The following SPSB3 variants were observed in gnomAD, a reference collection of about 807,000 sequenced individuals.
The protein encoded by SPSB3 is splA/ryanodine receptor domain and SOCS box containing 3.
In SPSB3, 18 loss-of-function variants were observed where a neutral mutation model predicts 29.5. That is an observed-to-expected ratio of 0.61 (90% confidence interval 0.42 to 0.91). SPSB3 has a LOEUF of 0.91. Among genes scored for constraint, SPSB3 ranks in the 40% least tolerant of loss-of-function variants. The pLI is 0.00. For synonymous variants in SPSB3, 299 were observed against 214.1 expected (o/e 1.40, Z -3.46); for missense variants, 540 against 507.5 (o/e 1.06, Z -0.61).
In SPSB3 at chr16:1,781,499, G is replaced by T. The variant is rs2141993434; in HGVS notation, c.-12-4C>A. ...GTCTGGCCATGGTGGAAAGAATCTA[G>T]AAGAAAACACAGGCTCTGGGCAAAG... On this transcript the variant is annotated splice_polypyrimidine_tract_variant and splice_region_variant and intron_variant, in intron 1 of 6. Coordinates refer to ENST00000566339, the MANE Select transcript of SPSB3 (RefSeq NM_080861.4). 1 of 1,610,802 alleles carries T rather than the reference G, an allele frequency of 6.2e-7. No individual in the cohort carries two copies. Among genetic ancestry groups the T allele is most frequent in the East Asian group, 2.2e-5 (1 of 44,842 alleles).
At chr16:1,781,569 C>T in intron 1 of SPSB3, 74 bp from the exon 2 acceptor site, 4 of 1,519,106 alleles carry the variant, frequency 2.6e-6, no homozygotes, top group Non-Finnish European at 3.6e-6. Flanking sequence ...GGCTGGGCCA[C>T]GGACCCACTC....
At chr16:1,780,123 C>G (rs1184900801) in intron 2 of SPSB3, 1 of 152,364 alleles carries the variant, frequency 6.6e-6, no homozygotes, top group Non-Finnish European at 1.5e-5. Flanking sequence ...CACAAGCAGC[C>G]GCCCCGGAAG....
At chr16:1,778,658 C>G in intron 2 of SPSB3, 46 bp from the exon 3 acceptor site, 1 of 1,510,930 alleles carries the variant, frequency 6.6e-7, no homozygotes, top group South Asian at 1.3e-5. Flanking sequence ...CCGCTCTCTA[C>G]CCTCTCACCC....
chr16:1,779,104 G>GC (rs1411590354), intron 2 of SPSB3: 2 of 155,186 alleles, frequency 1.3e-5, no homozygotes, highest in East Asian at 3.8e-4. Context: ...ACTGCCCAGT[G>GC]CCCACTACAG....
Position 1,777,159 on chromosome 16 carries a change from A to G in SPSB3, c.1006T>C (p.Ser336Pro), listed in dbSNP as rs778041354. 37 of 1,611,120 alleles carry G rather than the reference A, an allele frequency of 2.3e-5. No homozygotes were observed. The highest frequency in any genetic ancestry group is 2.8e-5 in the Non-Finnish European group (33 of 1,179,852). Reference sequence around the variant, plus strand: ...GGCTCGCGACTGCTGGGGTGGGCGGAGGTCGCTGCCTGGGGATCGGACACT... The same window carrying G: ...GGCTCGCGACTGCTGGGGTGGGCGGGGGTCGCTGCCTGGGGATCGGACACT... ...APVSDPQAAT[S>P]AHPSSREPRP... The change falls in exon 7 of 7, where the codon TCC (serine) becomes CCC (proline). Residue 336 changes from serine to proline, a missense_variant. By Grantham distance (74) the Ser-to-Pro change is moderately conservative. Transcript: ENST00000566339.
In SPSB3 at chr16:1,778,029, G is replaced by T. The variant is rs35816944; in HGVS notation, c.512C>A (p.Ser171Ter). Residue 171 changes from serine to a stop codon, truncating the protein, a stop_gained, in exon 5 of 7, where the codon TCG (serine) becomes TAG (stop). Transcript: ENST00000566339. LOFTEE classifies it high-confidence loss of function. ...GTDMMVGIGT[S>*]DVDLDKYRHT... ...GCGGTATTTGTCCAGGTCCACATCCGACGTCCCGATGCCCACCATCTAGGA... is the reference window on the plus strand; with the variant it reads ...GCGGTATTTGTCCAGGTCCACATCCTACGTCCCGATGCCCACCATCTAGGA... 6.2e-7 allele frequency: 1 copy of T among 1,613,216 alleles called. No individual in the cohort carries two copies. The highest frequency in any genetic ancestry group is 8.5e-7 in the Non-Finnish European group (1 of 1,179,992).
intron 1 of SPSB3, 115 bp downstream of exon 1, chr16:1,782,387 G>A (rs1896754911): frequency 6.6e-6 from 1 of 151,828 alleles, no homozygotes; most frequent in African/African-American, 2.4e-5. Context: ...TCTCTCGGGC[G>A]CGGCCCTCCG....
At chr16:1,780,722 C>T (rs117023147) in intron 2 of SPSB3, 6 of 163,698 alleles carry the variant, frequency 3.7e-5, no homozygotes, top group African/African-American at 1.4e-4. Context: ...CTGGGTAAAC[C>T]AAAGAATTTT....
In SPSB3 at chr16:1,777,998, C is replaced by A. The variant is rs375474861; in HGVS notation, c.543G>T (p.Thr181=). ...SDVDLDKYRH[T]FCSLLGRDED... is the part of the protein sequence containing the mutation. Reference sequence around the variant, plus strand: ...CATCCCTGCCCAGCAGGCTGCAGAACGTGTGGCGGTATTTGTCCAGGTCCA... The same window carrying A: ...CATCCCTGCCCAGCAGGCTGCAGAAAGTGTGGCGGTATTTGTCCAGGTCCA... Residue 181 remains threonine (T), a synonymous_variant, in exon 5 of 7, where the codon ACG becomes ACT. Transcript: ENST00000566339. 6.2e-7 allele frequency: 1 copy of A among 1,613,194 alleles called. No individual in the cohort carries two copies. The highest frequency in any genetic ancestry group is 2.2e-5 in the East Asian group (1 of 44,860).
intron 6 of SPSB3, 112 bp downstream of exon 6, chr16:1,777,635 G>A (rs2042733867): frequency 6.6e-7 from 1 of 1,524,412 alleles, no homozygotes; most frequent in Non-Finnish European, 8.8e-7. Context: ...GGGGCCTCAG[G>A]CTTCTGGGAG....
At chr16:1,781,168 C>G in intron 2 of SPSB3, 190 bp downstream of exon 2, 1 of 1,532,678 alleles carries the variant, frequency 6.5e-7, no homozygotes, top group East Asian at 2.4e-5. Context: ...CTGTGTGTGT[C>G]CTTTGCCAAA....
chr16:1,778,881 C>T (rs1026109552), intron 2 of SPSB3: 25 of 378,544 alleles, frequency 6.6e-5, no homozygotes, highest in Admixed American at 2.2e-4. Context: ...GGTTTCTAGA[C>T]GGTGGATAAG....
intron 6 of SPSB3, 139 bp downstream of exon 6, chr16:1,777,608 C>A: frequency 6.9e-7 from 1 of 1,448,768 alleles, no homozygotes; most frequent in Non-Finnish European, 9.3e-7. Flanking sequence ...CCTCACTGTC[C>A]CACCCCCTGG....
At position 1,777,185 on chromosome 16, in the gene SPSB3, G is replaced by A; in HGVS notation, c.980C>T (p.Pro327Leu). Reference sequence around the variant, plus strand: ...GGTCGCTGCCTGGGGATCGGACACTGGAGCCTTGCGGCGGCTGCAACTCAT... The same window carrying A: ...GGTCGCTGCCTGGGGATCGGACACTAGAGCCTTGCGGCGGCTGCAACTCAT... The part of the protein sequence containing the change: ...LSMSCSRRKA[P>L]VSDPQAATSA... Residue 327 changes from proline (P) to leucine (L), a missense_variant, in exon 7 of 7, where the codon CCA becomes CTA. Coordinates refer to ENST00000566339, the MANE Select transcript of SPSB3 (RefSeq NM_080861.4). 7 of 1,610,704 alleles carry A rather than the reference G, an allele frequency of 4.3e-6. No individual in the cohort carries two copies. The highest frequency in any genetic ancestry group is 1.3e-5 in the African/African-American group (1 of 75,054).
intron 3 of SPSB3, 52 bp downstream of exon 3, chr16:1,778,383 C>G: frequency 3.1e-6 from 5 of 1,607,446 alleles, no homozygotes; most frequent in South Asian, 1.1e-5. Context: ...CCCTGCCCAC[C>G]CCCAGGCCCG....
intron 2 of SPSB3, chr16:1,778,880 A>T (rs1160776770): frequency 2.6e-6 from 1 of 379,066 alleles, no homozygotes; most frequent in African/African-American, 2.1e-5. Flanking sequence ...TGGTTTCTAG[A>T]CGGTGGATAA....
rs1384045603 is a variant in SPSB3, at chr16:1,776,750, T to G, written c.*347A>C. 5.1e-6 allele frequency: 2 copies of G among 391,888 alleles called. No individual in the cohort carries two copies. Among genetic ancestry groups the G allele is most frequent in the African/African-American group, 2.1e-5 (1 of 48,758 alleles). 24.3% of individuals were successfully genotyped at this position (391,888 alleles called of 1,614,324 possible). On this transcript the variant is annotated 3_prime_UTR_variant, in exon 7 of 7. Transcript: ENST00000566339. The stretch of plus-strand genomic sequence containing the variant: ...TCAACTCTACATTTATTGCAGTCCT[T>G]TAAGTCTATGACGGCGGGGCAGCCG...
At chr16:1,781,235 T>C (rs1896696183) in intron 2 of SPSB3, 123 bp downstream of exon 2, 1 of 1,592,932 alleles carries the variant, frequency 6.3e-7, no homozygotes, top group Non-Finnish European at 8.5e-7. Context: ...TTTGGACTGG[T>C]CCTCTAGCCT....
intron 2 of SPSB3, chr16:1,778,840 A>G: frequency 6.5e-6 from 3 of 458,274 alleles, no homozygotes; most frequent in Non-Finnish European, 1.1e-5. Flanking sequence ...CCAGCCACAG[A>G]GCAGTAGCCA....
Sources: gnomAD v4.1 joint callset for allele counts on GRCh38, gnomAD v4.1.1 for gene constraint, MANE v1.5 for transcripts, NCBI Gene and HGNC (gene_info 2026-07-23, HGNC 2026-07-21) for gene names.